Variants in PDGFRL observed in about 807,000 individuals in gnomAD.
The protein encoded by PDGFRL is platelet derived growth factor receptor like.
A neutral mutation model predicts 37.2 loss-of-function variants in PDGFRL; 46 were observed. The observed-to-expected ratio is 1.24, with a 90% confidence interval of 0.98 to 1.58. PDGFRL has a LOEUF of 1.58. Ranked by LOEUF, PDGFRL falls within the 40% of genes most tolerant of loss-of-function variation. PDGFRL has a pLI of 0.00. For missense variants in PDGFRL, 692 were observed against 467.6 expected (o/e 1.48, Z -4.43); for synonymous variants, 251 against 184.3 (o/e 1.36, Z -2.93).
At chr8:17,589,812 G>A (rs1348271277) in intron 2 of PDGFRL, 47 bp downstream of exon 2, 2 of 1,134,056 alleles carry the variant, frequency 1.8e-6, no homozygotes, top group Admixed American at 2.2e-5. Flanking sequence ...ATTTGTAATA[G>A]TTAACAAAAT....
chr8:17,591,172 G>C (rs539632403), intron 2 of PDGFRL, among the ~76,000 whole-genome samples: 1 of 152,084 alleles, frequency 6.6e-6, no homozygotes, highest in African/African-American at 2.4e-5. Context: ...GTGAGCCACC[G>C]CGCCTGGCTG....
At chr8:17,626,912 G>A (rs911357163) in intron 3 of PDGFRL, among the ~76,000 whole-genome samples, 22 of 152,334 alleles carry the variant, frequency 1.4e-4, no homozygotes, top group South Asian at 2.1e-4. Flanking sequence ...GAGGAAATGG[G>A]GGGAGATAAG....
chr8:17,590,755 A>T (rs147059970), intron 2 of PDGFRL, among the ~76,000 whole-genome samples: 3 of 152,072 alleles, frequency 2.0e-5, no homozygotes, highest in Admixed American at 6.6e-5. Flanking sequence ...AATGGACTCA[A>T]TGTTTTATGT....
chr8:17,602,556 C>G (rs1804188441), intron 2 of PDGFRL, among the ~76,000 whole-genome samples: 1 of 151,600 alleles, frequency 6.6e-6, no homozygotes. Flanking sequence ...AAGCAGATAC[C>G]CAGAATGAGG....
intron 5 of PDGFRL, among the ~76,000 whole-genome samples, chr8:17,638,404 A>G (rs1213282247): frequency 6.6e-6 from 1 of 152,016 alleles, no homozygotes; most frequent in Non-Finnish European, 1.5e-5. Flanking sequence ...GTGGTCTGAG[A>G]GAGTACTTGA....
chr8:17,642,547 G>A, intron 5 of PDGFRL, 66 bp from the exon 6 acceptor site: 1 of 928,196 alleles, frequency 1.1e-6, no homozygotes, highest in Non-Finnish European at 1.8e-6. Context: ...ACAGTGTTGG[G>A]TGAGTGGGAG....
chr8:17,589,539 A>C lies in PDGFRL; in HGVS notation c.127A>C (p.Lys43Gln), dbSNP rs780696061. 1.2e-6 allele frequency: 2 copies of C among 1,613,556 alleles called. No individual in the cohort carries two copies. Among genetic ancestry groups the C allele is most frequent in the Non-Finnish European group, 1.7e-6 (2 of 1,179,410 alleles). Residue 43 changes from lysine to glutamine, a missense_variant, in exon 2 of 6, where the codon AAG becomes CAG. Transcript: ENST00000251630. Reference protein sequence around the residue: ...PGENRIKPTNKKVKPKIPKMK... With the variant: ...PGENRIKPTNQKVKPKIPKMK... ...AGAGAATAGAATCAAACCTACCAAC[A>C]AGAAGGTGAAGCCCAAAATTCCTAA...
At chr8:17,621,233 T>G in intron 3 of PDGFRL, 31 bp downstream of exon 3, 1 of 1,536,912 alleles carries the variant, frequency 6.5e-7, no homozygotes, top group Non-Finnish European at 8.9e-7. Context: ...ATGGAACTCT[T>G]CAAACTTCTG....
chr8:17,590,880 T>TACCATA (rs1215862905), intron 2 of PDGFRL, among the ~76,000 whole-genome samples: 1 of 86,936 alleles, frequency 1.2e-5, no homozygotes, highest in African/African-American at 3.3e-5. Flanking sequence ...TTATTATTAT[T>TACCATA]ATTATTAATT....
At chr8:17,586,241 G>A (rs974626270) in intron 1 of PDGFRL, among the ~76,000 whole-genome samples, 5 of 152,132 alleles carry the variant, frequency 3.3e-5, no homozygotes, top group African/African-American at 1.2e-4. Flanking sequence ...GGCATAAGCC[G>A]CTGCACCCAG....
intron 2 of PDGFRL, among the ~76,000 whole-genome samples, chr8:17,608,280 T>C (rs1296106573): frequency 2.6e-5 from 4 of 152,138 alleles, no homozygotes; most frequent in African/African-American, 7.2e-5. Flanking sequence ...CTCAGTTACA[T>C]TGGAGCAGAG....
chr8:17,595,379 G>A (rs1277480190), intron 2 of PDGFRL, among the ~76,000 whole-genome samples: 1 of 152,170 alleles, frequency 6.6e-6, no homozygotes, highest in Non-Finnish European at 1.5e-5. Flanking sequence ...CCTGATGGTG[G>A]CACATTCTCT....
At chr8:17,610,312 A>C (rs534072003) in intron 2 of PDGFRL, among the ~76,000 whole-genome samples, 90 of 152,278 alleles carry the variant, frequency 5.9e-4, no homozygotes, top group Non-Finnish European at 1.1e-3. Context: ...TGCCAGATTT[A>C]TAGTAAGGGT....
At chr8:17,628,380 C>G in intron 3 of PDGFRL, 107 bp from the exon 4 acceptor site, 3 of 769,762 alleles carry the variant, frequency 3.9e-6, no homozygotes, top group East Asian at 4.9e-5. Context: ...CCCGGCCTTT[C>G]CTACTCCTAA....
At chr8:17,597,676 C>G (rs1375175126) in intron 2 of PDGFRL, among the ~76,000 whole-genome samples, 1 of 152,098 alleles carries the variant, frequency 6.6e-6, no homozygotes, top group African/African-American at 2.4e-5. Flanking sequence ...AGAAAACATT[C>G]ATGGCACCCA....
intron 1 of PDGFRL, among the ~76,000 whole-genome samples, 179 bp downstream of exon 1, chr8:17,577,486 C>T (rs183123676): frequency 6.6e-6 from 1 of 152,066 alleles, no homozygotes; most frequent in Non-Finnish European, 1.5e-5. Flanking sequence ...TTTCCTCCCA[C>T]TCTTTGCCTG....
chr8:17,604,931 T>C (rs1368106328), intron 2 of PDGFRL, among the ~76,000 whole-genome samples: 2 of 151,950 alleles, frequency 1.3e-5, no homozygotes, highest in South Asian at 2.1e-4. Context: ...TTGGGCAACA[T>C]GGCAAGACCC....
chr8:17,638,624 C>A (rs1805022550), intron 5 of PDGFRL, among the ~76,000 whole-genome samples: 1 of 150,892 alleles, frequency 6.6e-6, no homozygotes, highest in African/African-American at 2.4e-5. Context: ...GATTACCTAT[C>A]TATTGCTGAC....
intron 5 of PDGFRL, among the ~76,000 whole-genome samples, chr8:17,640,127 TTA>T (rs1267838299): frequency 1.3e-5 from 2 of 152,320 alleles, no homozygotes; most frequent in South Asian, 2.1e-4. Flanking sequence ...TTTCCAGAAA[TTA>T]TGATTGTTTT....
Sources: gnomAD v4.1 joint callset for allele counts (sites outside exome capture counted in the v4.1 genomes callset) on GRCh38, gnomAD v4.1.1 for gene constraint, MANE v1.5 for transcripts, NCBI Gene and HGNC (gene_info 2026-07-23, HGNC 2026-07-21) for gene names.